RPS10: variants seen among roughly 807,000 people sequenced by gnomAD.
RPS10 encodes small ribosomal subunit protein eS10.
A neutral mutation model predicts 22.6 loss-of-function variants in RPS10; 2 were observed. The observed-to-expected ratio is 0.09, with a 90% CI of 0.04 to 0.28. The LOEUF (loss-of-function observed/expected upper bound fraction) is 0.28. Among genes scored for constraint, RPS10 ranks in the 10% least tolerant of loss-of-function variants. RPS10 has a pLI of 1.00. For synonymous variants in RPS10, 70 were observed against 75.9 expected (o/e 0.92, Z 0.40); for missense variants, 137 against 222.2 (o/e 0.62, Z 2.44).
intron 5 of RPS10, 175 bp downstream of exon 5, chr6:34,418,194 C>G (rs553404722): frequency 2.5e-5 from 38 of 1,509,712 alleles, no homozygotes; most frequent in Non-Finnish European, 3.3e-5. Flanking sequence ...TATGTATTTA[C>G]AAAAGTTTGC....
chr6:34,425,022 T>C, intron 2 of RPS10, 50 bp downstream of exon 2: 2 of 1,611,452 alleles, frequency 1.2e-6, no homozygotes, highest in Non-Finnish European at 1.7e-6. Flanking sequence ...CATCCCGGGA[T>C]GGGATCCCGG....
At chr6:34,424,478 C>A in intron 3 of RPS10, 191 bp downstream of exon 3, 1 of 669,700 alleles carries the variant, frequency 1.5e-6, no homozygotes, top group East Asian at 2.8e-5. Flanking sequence ...TTAAGGCCAT[C>A]TCATGGATGG....
intron 3 of RPS10, chr6:34,424,163 A>AAAAAAAAAAAAAAACAAAAAAAAAAC (rs1561939868): frequency 6.6e-6 from 1 of 150,930 alleles, no homozygotes; most frequent in African/African-American, 2.5e-5. Flanking sequence ...AAAAAAAAAA[A>AAAAAAAAAAAAAAACAAAAAAAAAAC]AGCAACTGTG....
At chr6:34,424,391 G>A in intron 3 of RPS10, 1 of 451,078 alleles carries the variant, frequency 2.2e-6, no homozygotes, top group Non-Finnish European at 4.1e-6. Flanking sequence ...TGCGGGAAAA[G>A]TTACTCAATA....
At chr6:34,424,140 TAAAAAAA>T (rs71538239) in intron 3 of RPS10, 1,035 of 49,186 alleles carry the variant, frequency 0.021, 42 homozygotes, top group Middle Eastern at 0.17. Context: ...AAGACTCCGT[TAAAAAAA>T]AAAAAAAAAA....
intron 3 of RPS10, 168 bp downstream of exon 3, chr6:34,424,501 A>T (rs1765885466): frequency 1.2e-6 from 1 of 817,080 alleles, no homozygotes; most frequent in Non-Finnish European, 1.9e-6. Flanking sequence ...TGAAGAACTG[A>T]GTCTAGTTCT....
intron 1 of RPS10, 122 bp from the exon 2 acceptor site, chr6:34,425,343 C>T (rs1765919230): frequency 1.5e-6 from 2 of 1,302,232 alleles, no homozygotes; most frequent in South Asian, 1.3e-5. Context: ...TGGGAAGACT[C>T]AACTCCACAA....
At chr6:34,418,280 A>G (rs1216165479) in intron 5 of RPS10, 89 bp downstream of exon 5, 3 of 1,606,118 alleles carry the variant, frequency 1.9e-6, no homozygotes, top group Non-Finnish European at 2.6e-6. Context: ...ACCCACCCAT[A>G]CTATATGACA....
chr6:34,425,417 T>C (rs1765922623), intron 1 of RPS10, 196 bp from the exon 2 acceptor site: 4 of 661,552 alleles, frequency 6.0e-6, no homozygotes, highest in East Asian at 2.9e-5. Flanking sequence ...GGTGGAAAAG[T>C]TGACAGTATG....
intron 4 of RPS10, among the ~76,000 whole-genome samples, chr6:34,418,795 A>G (rs558399247): frequency 6.6e-6 from 1 of 152,276 alleles, no homozygotes; most frequent in East Asian, 1.9e-4. Flanking sequence ...AATTACCACC[A>G]TGGGAGAAAA....
chr6:34,425,001 C>G (rs1407324676), intron 2 of RPS10, 71 bp downstream of exon 2: 3 of 1,610,854 alleles, frequency 1.9e-6, no homozygotes, highest in East Asian at 2.2e-5. Context: ...TCCCTCCATC[C>G]CATTCCATCC....
intron 5 of RPS10, chr6:34,418,088 C>G (rs577070969): frequency 7.4e-6 from 9 of 1,220,906 alleles, no homozygotes; most frequent in Admixed American, 2.7e-5. Context: ...CTTAAGCCCA[C>G]CCACCTTCCA....
chr6:34,422,838 T>C (rs1369016573), intron 3 of RPS10, among the ~76,000 whole-genome samples: 1 of 151,078 alleles, frequency 6.6e-6, no homozygotes, highest in African/African-American at 2.4e-5. Flanking sequence ...TCCCGGCACT[T>C]TGGGAGGCCA....
intron 4 of RPS10, among the ~76,000 whole-genome samples, chr6:34,421,114 A>G (rs1249872429): frequency 9.2e-5 from 12 of 129,912 alleles, no homozygotes; most frequent in African/African-American, 3.5e-4. Flanking sequence ...TTTTTTTTTG[A>G]GACAGTCTTG....
At chr6:34,422,893 C>T (rs542528238) in intron 3 of RPS10, among the ~76,000 whole-genome samples, 53 of 151,614 alleles carry the variant, frequency 3.5e-4, no homozygotes, top group African/African-American at 1.3e-3. Context: ...ACAACCTGGC[C>T]AACATGGTAA....
At chr6:34,418,495 A>C in intron 4 of RPS10, 71 bp from the exon 5 acceptor site, 54 of 1,607,142 alleles carry the variant, frequency 3.4e-5, no homozygotes, top group Non-Finnish European at 4.1e-5. Flanking sequence ...AAGACAACTC[A>C]CTGACTCCAA....
chr6:34,424,121 C>A (rs1201209081), intron 3 of RPS10, among the ~76,000 whole-genome samples: 1 of 109,804 alleles, frequency 9.1e-6, no homozygotes, highest in Non-Finnish European at 1.7e-5. Flanking sequence ...CCAGGCTGGG[C>A]AACAGAGCAA....
At chr6:34,423,888 T>C (rs1323646899) in intron 3 of RPS10, among the ~76,000 whole-genome samples, 4 of 151,964 alleles carry the variant, frequency 2.6e-5, no homozygotes, top group African/African-American at 9.7e-5. Flanking sequence ...CAAAAAATTA[T>C]GTCTACCTAA....
At chr6:34,419,707 G>T (rs1024336729) in intron 4 of RPS10, among the ~76,000 whole-genome samples, 1 of 151,982 alleles carries the variant, frequency 6.6e-6, no homozygotes, top group Non-Finnish European at 1.5e-5. Flanking sequence ...GCTCCGAGTA[G>T]CTGGGACTAC....
Sources: allele counts gnomAD v4.1 joint callset (sites outside exome capture counted in the v4.1 genomes callset), GRCh38; gene constraint gnomAD v4.1.1; transcripts MANE v1.5; gene names NCBI Gene and HGNC (gene_info 2026-07-23, HGNC 2026-07-21).